Variants in EXPH5 observed in about 807,000 individuals in gnomAD.
EXPH5 encodes the protein exophilin-5.
In EXPH5, 42 loss-of-function variants were observed where a neutral mutation model predicts 41.1. That is an observed-to-expected ratio of 1.02 (90% confidence interval 0.80 to 1.32). The LOEUF is 1.32. EXPH5 is among the 40% of genes most tolerant of loss of function. The pLI is 0.00. For missense variants in EXPH5, 2,298 were observed against 2,314.5 expected (o/e 0.99, Z 0.15); for synonymous variants, 798 against 833.5 (o/e 0.96, Z 0.73).
rs1170627980 is a variant in EXPH5, at chr11:108,513,468, A to C, written c.2039T>G (p.Val680Gly). 1.2e-6 allele frequency: 2 copies of C among 1,613,758 alleles called. No homozygotes were observed. The highest frequency in any genetic ancestry group is 1.7e-6 in the Non-Finnish European group (2 of 1,179,814). The change falls in exon 6 of 6, where the codon GTT (valine) becomes GGT (glycine). Residue 680 changes from valine to glycine, a missense_variant. Coordinates refer to ENST00000265843, the MANE Select transcript of EXPH5 (RefSeq NM_015065.3). ...GCTTTTGGCAAGAGGCAGAGAGTCA[A>C]CTGAATTGCTGCTGGTCACAGTGAC... Reference protein sequence around the residue: ...TEVTVTSSNSVDSLPLAKSQP... With the variant: ...TEVTVTSSNSGDSLPLAKSQP...
chr11:108,598,855 C>T, the EXPH5 span, among the ~76,000 whole-genome samples: 1 of 152,176 alleles, frequency 6.6e-6, no homozygotes, highest in Non-Finnish European at 1.5e-5. Flanking sequence ...AGTTCAGATT[C>T]CATCCTAAGG....
chr11:108,569,018 G>A (rs773177158), intron 1 of EXPH5, among the ~76,000 whole-genome samples: 5 of 151,968 alleles, frequency 3.3e-5, no homozygotes, highest in African/African-American at 9.7e-5. Flanking sequence ...ACAGGTCCAC[G>A]TCCCACCCTG....
intron 1 of EXPH5, among the ~76,000 whole-genome samples, chr11:108,556,288 CTT>C (rs1175305582): frequency 2.8e-5 from 4 of 141,750 alleles, no homozygotes; most frequent in Non-Finnish European, 1.5e-5. Context: ...AATCTGCTGT[CTT>C]TTTTTTTTTT....
Position 108,541,659 on chromosome 11 carries a change from T to G in EXPH5, c.273A>C (p.Ala91=). The G allele has an allele frequency of 6.3e-7, 1 of 1,591,944 alleles. No homozygotes were observed. Among genetic ancestry groups the G allele is most frequent in the Non-Finnish European group, 8.5e-7 (1 of 1,171,862 alleles). ...CTAAAATCTTTTTCTTACCATTTTT[T>G]GCCATCTCCTTACTTAGCCTGTATG... ...PLTYRLSKEM[A]KNDPIELPTS... is the part of the protein sequence containing the mutation. Residue 91 remains alanine (A), a synonymous_variant, in exon 2 of 6, where the codon GCA becomes GCC. Coordinates refer to ENST00000265843, the MANE Select transcript of EXPH5 (RefSeq NM_015065.3).
At chr11:108,596,223 C>T (rs2094138773), upstream of EXPH5, among the ~76,000 whole-genome samples, 1 of 151,916 alleles carries the variant, frequency 6.6e-6, no homozygotes, top group Admixed American at 6.6e-5. Flanking sequence ...GGGTAGATTA[C>T]TCTGATAGCA....
chr11:108,593,080 G>C (rs2094131667), intron 1 of EXPH5, among the ~76,000 whole-genome samples: 1 of 152,218 alleles, frequency 6.6e-6, no homozygotes, highest in South Asian at 2.1e-4. Context: ...TTCATTGCCT[G>C]AAACGGCCCA....
chr11:108,554,816 T>C (rs2093983251), intron 1 of EXPH5, among the ~76,000 whole-genome samples: 1 of 152,074 alleles, frequency 6.6e-6, no homozygotes. Flanking sequence ...CCCAGGTACT[T>C]GGCTGGCTGA....
chr11:108,583,996 T>C (rs1323744969), intron 1 of EXPH5, among the ~76,000 whole-genome samples: 1 of 152,180 alleles, frequency 6.6e-6, no homozygotes, highest in Non-Finnish European at 1.5e-5. Context: ...ACAAGATCAA[T>C]ATCAAAAATC....
At chr11:108,596,734 A>C (rs533005077), upstream of EXPH5, among the ~76,000 whole-genome samples, 19 of 152,336 alleles carry the variant, frequency 1.2e-4, 1 homozygote, top group African/African-American at 4.6e-4. Context: ...AGACTTCAGC[A>C]CTGAGGCATG....
intron 4 of EXPH5, among the ~76,000 whole-genome samples, chr11:108,524,321 T>A (rs1011683386): frequency 4.6e-5 from 7 of 152,210 alleles, no homozygotes; most frequent in African/African-American, 1.7e-4. Flanking sequence ...AAGAATTAGG[T>A]GAATTAATAT....
chr11:108,564,423 G>A (rs899257080), intron 1 of EXPH5, among the ~76,000 whole-genome samples: 1 of 147,386 alleles, frequency 6.8e-6, no homozygotes, highest in African/African-American at 2.7e-5. Flanking sequence ...CCCTATGCAT[G>A]CTTTGTGTAG....
chr11:108,562,612 AAAAG>A (rs1043856977), intron 1 of EXPH5, among the ~76,000 whole-genome samples: 1 of 152,062 alleles, frequency 6.6e-6, no homozygotes, highest in African/African-American at 2.4e-5. Flanking sequence ...CTGTTTCAAA[AAAAG>A]AAAGAAAGAA....
chr11:108,565,949 G>A lies in EXPH5; in HGVS notation c.120-24137C>T, dbSNP rs929142922. Among the ~76,000 whole-genome samples, 5 of 152,240 alleles carry A rather than the reference G, an allele frequency of 3.3e-5. No individual in the cohort carries two copies. The South Asian group carries it at 1.0e-3, about 32-fold the overall frequency. ...TAACTTGTGCTGGCACTTAGCTAAA[G>A]GGTTGAAAAACGCCTTTTCAAGTGA... On this transcript the variant is annotated intron_variant, in intron 1 of 5. Coordinates refer to ENST00000265843, the MANE Select transcript of EXPH5 (RefSeq NM_015065.3).
rs2135895614 is a variant in EXPH5, at chr11:108,509,474, T to C, written c.*63A>G. On this transcript the variant is annotated 3_prime_UTR_variant, in exon 6 of 6. Transcript: ENST00000265843. Reference sequence around the variant, plus strand: ...TTTTATCCTTCCATGCACATGCACATGTACACCTTAGTTCCATTATAAGCT... The same window carrying C: ...TTTTATCCTTCCATGCACATGCACACGTACACCTTAGTTCCATTATAAGCT... The C allele has an allele frequency of 1.4e-6, 2 of 1,446,262 alleles. No homozygotes were observed. Among genetic ancestry groups the C allele is most frequent in the Non-Finnish European group, 1.9e-6 (2 of 1,075,872 alleles). 89.6% of individuals were successfully genotyped at this position (1,446,262 alleles called of 1,614,324 possible).
chr11:108,597,734 A>T (rs1033454801), upstream of EXPH5, among the ~76,000 whole-genome samples: 1 of 152,212 alleles, frequency 6.6e-6, no homozygotes, highest in African/African-American at 2.4e-5. Context: ...TTGATACAAT[A>T]GGGAAGGAAA....
At chr11:108,530,288 G>T (rs1349086557) in intron 3 of EXPH5, among the ~76,000 whole-genome samples, 1 of 152,102 alleles carries the variant, frequency 6.6e-6, no homozygotes, top group Non-Finnish European at 1.5e-5. Flanking sequence ...GCTCTTTGGA[G>T]GAAACAAATA....
At chr11:108,516,177 G>C (rs940399081) in intron 5 of EXPH5, among the ~76,000 whole-genome samples, 6 of 151,244 alleles carry the variant, frequency 4.0e-5, no homozygotes, top group African/African-American at 1.5e-4. Flanking sequence ...GTTTTACAAA[G>C]ACGTGAAGTT....
chr11:108,606,378 C>G, the EXPH5 span, among the ~76,000 whole-genome samples: 1 of 152,168 alleles, frequency 6.6e-6, no homozygotes, highest in East Asian at 1.9e-4. Context: ...ATCTCCACTC[C>G]ACTTATCTCT....
intron 1 of EXPH5, among the ~76,000 whole-genome samples, chr11:108,545,538 G>T (rs1419470433): frequency 6.6e-6 from 1 of 152,144 alleles, no homozygotes; most frequent in East Asian, 1.9e-4. Flanking sequence ...GCAAAGAGCA[G>T]TGAACAAGTC....
Sources: gnomAD v4.1 joint callset for allele counts (sites outside exome capture counted in the v4.1 genomes callset) on GRCh38, gnomAD v4.1.1 for gene constraint, MANE v1.5 for transcripts, NCBI Gene and HGNC (gene_info 2026-07-23, HGNC 2026-07-21) for gene names.